The following CUX2 variants were observed in gnomAD, a reference collection of about 807,000 sequenced individuals.
CUX2 encodes homeobox protein cut-like 2.
A neutral mutation model predicts 144.8 loss-of-function variants in CUX2; 40 were observed. The observed-to-expected ratio is 0.28, with a 90% confidence interval of 0.21 to 0.36. CUX2 has a LOEUF of 0.36. Ranked by LOEUF, CUX2 falls within the 10% of genes least tolerant of loss-of-function variation. The pLI is 1.00. For missense variants in CUX2, 1,615 were observed against 1,994.0 expected (o/e 0.81, Z 3.62); for synonymous variants, 827 against 875.6 (o/e 0.94, Z 0.98).
At chr12:111,050,984 A>T (rs1252473035) in intron 1 of CUX2, among the ~76,000 whole-genome samples, 1 of 152,186 alleles carries the variant, frequency 6.6e-6, no homozygotes, top group Non-Finnish European at 1.5e-5. Context: ...GTGTATTTTA[A>T]AATTGCTAGA....
chr12:111,203,567 A>C (rs1880738635), intron 1 of CUX2, among the ~76,000 whole-genome samples: 2 of 151,968 alleles, frequency 1.3e-5, no homozygotes, highest in Non-Finnish European at 2.9e-5. Flanking sequence ...AAAGAAAAAA[A>C]AGAAAAAGTC....
At chr12:111,244,865 G>A (rs1278935176) in intron 3 of CUX2, among the ~76,000 whole-genome samples, 3 of 152,166 alleles carry the variant, frequency 2.0e-5, no homozygotes, top group African/African-American at 7.2e-5. Flanking sequence ...TCATTGCTGT[G>A]CAAGGTAATT....
rs1361706798 is a variant in CUX2 at position 111,263,888 on chromosome 12, G to T, written c.301+49G>T. The T allele has an allele frequency of 6.5e-7, 1 of 1,529,834 alleles. No individual in the cohort carries two copies. Among genetic ancestry groups the T allele is most frequent in the African/African-American group, 1.4e-5 (1 of 73,178 alleles). The allele number at this position is 1,529,834 out of a possible 1,614,324, so 94.8% of individuals were successfully genotyped here. A position where few individuals can be genotyped will look rare whatever the true frequency, so the allele number is the denominator to read the frequency against. Reference sequence around the variant, plus strand: ...ATTGAATAGTTAACGACAATAAATAGCCATTAGGACTGTGACACAGGGACT... The same window carrying T: ...ATTGAATAGTTAACGACAATAAATATCCATTAGGACTGTGACACAGGGACT... On this transcript the variant is annotated intron_variant, in intron 4 of 21. Transcript: ENST00000261726. This position sits in a 1 kb window ranked among gnomAD's most constrained non-coding sequence, Gnocchi z 4.0.
chr12:111,200,883 C>T (rs1880541687), intron 1 of CUX2, among the ~76,000 whole-genome samples: 1 of 152,184 alleles, frequency 6.6e-6, no homozygotes, highest in Admixed American at 6.5e-5. Context: ...TTTATATTAG[C>T]AGTGATGCTT....
At chr12:111,162,491 C>T (rs1194818040) in intron 1 of CUX2, among the ~76,000 whole-genome samples, 1 of 152,174 alleles carries the variant, frequency 6.6e-6, no homozygotes, top group Non-Finnish European at 1.5e-5. Context: ...CGGCCTTGGC[C>T]CACTTTGGGG....
chr12:111,155,132 T>C (rs1877295768), intron 1 of CUX2, among the ~76,000 whole-genome samples: 1 of 152,196 alleles, frequency 6.6e-6, no homozygotes, highest in African/African-American at 2.4e-5. Context: ...AGTTGAGTGA[T>C]TAAAGATGCA....
intron 1 of CUX2, among the ~76,000 whole-genome samples, chr12:111,200,844 G>A (rs1000434650): frequency 6.6e-6 from 1 of 152,040 alleles, no homozygotes; most frequent in Non-Finnish European, 1.5e-5. Context: ...TTCCATCTTC[G>A]TGCTTACAAA....
intron 3 of CUX2, among the ~76,000 whole-genome samples, chr12:111,250,724 G>C (rs1883521819): frequency 6.6e-6 from 1 of 152,184 alleles, no homozygotes; most frequent in African/African-American, 2.4e-5. Context: ...GGCAAGGTCA[G>C]AGCCGGAGCA....
intron 19 of CUX2, among the ~76,000 whole-genome samples, chr12:111,336,423 G>GTT (rs1293676416): frequency 8.4e-6 from 1 of 118,716 alleles, no homozygotes; most frequent in Non-Finnish European, 1.6e-5. Flanking sequence ...ACACTTCAGT[G>GTT]TTGTGTGTGT....
intron 1 of CUX2, among the ~76,000 whole-genome samples, chr12:111,078,086 C>T (rs757785376): frequency 2.6e-5 from 4 of 152,236 alleles, no homozygotes; most frequent in African/African-American, 4.8e-5. Flanking sequence ...CAAATGAGTA[C>T]ATTGAATTTG....
chr12:111,277,351 G>A lies in CUX2; in HGVS notation c.301+13512G>A, dbSNP rs1884928156. Among the ~76,000 whole-genome samples the A allele has an allele frequency of 1.3e-5, 2 of 152,088 alleles. No individual in the cohort carries two copies. The highest frequency in any genetic ancestry group is 2.1e-4 in the South Asian group (1 of 4,822). ...TGGAGCAAAGTTGTATTTCTGGGAC[G>A]GTAACCCCAGGGGAGGTTAGTAGGA... On this transcript the variant is annotated intron_variant, in intron 4 of 21. Transcript: ENST00000261726. This position sits in a 1 kb window ranked among gnomAD's most constrained non-coding sequence, Gnocchi z 5.0.
intron 1 of CUX2, among the ~76,000 whole-genome samples, chr12:111,081,248 C>G (rs532910363): frequency 6.6e-6 from 1 of 152,162 alleles, no homozygotes; most frequent in Non-Finnish European, 1.5e-5. Flanking sequence ...CCAGCTTTCT[C>G]GAGCGGTGTC....
At chr12:111,085,832 C>T (rs752835896) in intron 1 of CUX2, among the ~76,000 whole-genome samples, 12 of 152,230 alleles carry the variant, frequency 7.9e-5, no homozygotes, top group Admixed American at 2.6e-4. Flanking sequence ...AGAAAGATCT[C>T]GTCCCCTGCC....
chr12:111,274,326 C>T (rs941901704), intron 4 of CUX2, among the ~76,000 whole-genome samples: 1 of 152,166 alleles, frequency 6.6e-6, no homozygotes, highest in Admixed American at 6.5e-5. Flanking sequence ...GCCAACCTCT[C>T]TGAGCAGCTG....
intron 17 of CUX2, among the ~76,000 whole-genome samples, chr12:111,321,042 G>T (rs377720139): frequency 6.6e-6 from 1 of 152,160 alleles, no homozygotes; most frequent in African/African-American, 2.4e-5. Flanking sequence ...GCCACTAAAG[G>T]GTTAAGTGGC....
chr12:111,054,848 A>T (rs553880161), intron 1 of CUX2, among the ~76,000 whole-genome samples: 143 of 152,190 alleles, frequency 9.4e-4, no homozygotes, highest in African/African-American at 2.9e-3. Context: ...GCTGGTCTTG[A>T]ACTCCTGACC....
Position 111,348,092 on chromosome 12 carries a change from G to GTGT in CUX2, c.4229_4231dup (p.Val1410_Ser1411insLeu). On this transcript the variant is annotated inframe_insertion, in exon 22 of 22. Coordinates refer to ENST00000261726, the MANE Select transcript of CUX2 (RefSeq NM_015267.4). ...CTCCTCACCAGGCCTCATGATGTCTGTGTCACCTGTCCCCTCCTCCTCAGC... is the reference window on the plus strand; with the variant it reads ...CTCCTCACCAGGCCTCATGATGTCTGTGTTGTCACCTGTCCCCTCCTCCTCAGC... The GTGT allele has an allele frequency of 6.2e-7, 1 of 1,614,102 alleles. No homozygotes were observed. Among genetic ancestry groups the GTGT allele is most frequent in the Non-Finnish European group, 8.5e-7 (1 of 1,180,006 alleles).
intron 1 of CUX2, among the ~76,000 whole-genome samples, chr12:111,040,789 C>G (rs1358200009): frequency 6.6e-6 from 1 of 152,140 alleles, no homozygotes; most frequent in Non-Finnish European, 1.5e-5. Flanking sequence ...GGACCATAAG[C>G]CTCCACTCTG....
At chr12:111,337,353 A>T (rs1015363422) in intron 19 of CUX2, among the ~76,000 whole-genome samples, 1 of 74,618 alleles carries the variant, frequency 1.3e-5, no homozygotes, top group Admixed American at 1.7e-4. Context: ...ACCCTGTCTC[A>T]AAAAAAAAAA....
Sources: allele counts gnomAD v4.1 joint callset (sites outside exome capture counted in the v4.1 genomes callset), GRCh38; gene constraint gnomAD v4.1.1; non-coding constraint Gnocchi (gnomAD v3.1); transcripts MANE v1.5; gene names NCBI Gene and HGNC (gene_info 2026-07-23, HGNC 2026-07-21).